Variants in FAT2 observed in about 807,000 individuals in gnomAD.
The protein encoded by FAT2 is protocadherin Fat 2.
FAT2 carries 150 observed loss-of-function variants against 295.3 expected under a neutral mutation model. The observed-to-expected ratio is 0.51, with a 90% confidence interval of 0.44 to 0.58. The LOEUF is 0.58. Ranked by LOEUF, FAT2 falls within the 20% of genes least tolerant of loss-of-function variation. FAT2 has a pLI of 0.00. For missense variants in FAT2, 4,868 were observed against 5,442.7 expected, an observed-to-expected ratio of 0.89 and a Z score of 3.32; for synonymous variants, 2,026 against 2,150.3, an observed-to-expected ratio of 0.94 and a Z score of 1.60.
At chr5:151,557,054 AT>A (rs529013181) in intron 3 of FAT2, among the ~76,000 whole-genome samples, 64 of 152,278 alleles carry the variant, frequency 4.2e-4, no homozygotes, top group African/African-American at 1.5e-3. Context: ...AACTTCAGCA[AT>A]CGGCCCACCA....
Position 151,544,356 on chromosome 5 carries a change from T to C in FAT2, c.6771A>G (p.Thr2257=). ...TGACATCCTCCACTAGGACTTCCAC[T>C]GTGGCTTCAGAAAATGACCCCAGAG... ...DTALGSFSEA[T]VEVLVEDVND... Residue 2257 remains threonine, a synonymous_variant, in exon 10 of 24, where the codon ACA becomes ACG. Transcript: ENST00000261800. 1.2e-6 allele frequency: 2 copies of C among 1,614,206 alleles called. No individual in the cohort carries two copies. Among genetic ancestry groups the C allele is most frequent in the Non-Finnish European group, 1.7e-6 (2 of 1,180,030 alleles).
chr5:151,544,887 T>G lies in FAT2; in HGVS notation c.6240A>C (p.Gln2080His). ...GGACATCCCCTGGCTCTGTGCCATCTTGGATGATTGTGTAATAGGGCAGAT... is the reference window on the plus strand; with the variant it reads ...GGACATCCCCTGGCTCTGTGCCATCGTGGATGATTGTGTAATAGGGCAGAT... ...FKHLPYYTII[Q>H]DGTEPGDVLF... Residue 2080 changes from glutamine to histidine, a missense_variant, in exon 10 of 24, where the codon CAA becomes CAC. Gln to His is a conservative substitution (Grantham distance 24). This residue lies in a region of FAT2 where 3,297 missense variants were observed against 3,669.4 expected (regional missense o/e 0.90). Transcript: ENST00000261800. 6.2e-7 allele frequency: 1 copy of G among 1,614,164 alleles called. No homozygotes were observed. Among genetic ancestry groups the G allele is most frequent in the Non-Finnish European group, 8.5e-7 (1 of 1,180,024 alleles).
rs142654256 is a variant in FAT2, at chr5:151,515,427, T to G, written c.11463+2193A>C. Among the ~76,000 whole-genome samples, 115 of 152,266 alleles carry G rather than the reference T, an allele frequency of 7.6e-4. No homozygotes were observed. In the East Asian group the frequency reaches 0.018, roughly 24 times the overall value. ...TGCGCTGAAGACTCCCAGATCTCCATCTCCAGCATAGACCCCTCACAACAT... is the reference window on the plus strand; with the variant it reads ...TGCGCTGAAGACTCCCAGATCTCCAGCTCCAGCATAGACCCCTCACAACAT... On this transcript the variant is annotated intron_variant, in intron 20 of 23. Transcript: ENST00000261800.
rs1329361947 is a variant in FAT2 at position 151,545,097 on chromosome 5, A to G, written c.6030T>C (p.Asp2010=). ...TLSYFLLNGT[D]MFHMVQSAGV... ...CTGCTGACTGGACCATATGAAACAT[A>G]TCTGTGCCATTCAAGAGAAAGTAGG... Residue 2010 remains aspartate (D), a synonymous_variant, in exon 10 of 24, where the codon GAT becomes GAC. Coordinates refer to ENST00000261800, the MANE Select transcript of FAT2 (RefSeq NM_001447.3). The G allele has an allele frequency of 1.2e-6, 2 of 1,614,044 alleles. No homozygotes were observed. The highest frequency in any genetic ancestry group is 2.7e-5 in the African/African-American group (2 of 74,912).
chr5:151,527,417 C>A, intron 16 of FAT2, 40 bp from the exon 17 acceptor site: 1 of 1,537,696 alleles, frequency 6.5e-7, no homozygotes, highest in South Asian at 1.2e-5. Context: ...AATGAGGTAG[C>A]TGTCCCTCAC....
At chr5:151,529,119 G>T in intron 15 of FAT2, 59 bp downstream of exon 15, 1 of 1,441,712 alleles carries the variant, frequency 6.9e-7, no homozygotes, top group Non-Finnish European at 9.8e-7. Context: ...GTGTGGGGGT[G>T]AGATAAGAAC....
intron 20 of FAT2, among the ~76,000 whole-genome samples, chr5:151,516,497 C>CA (rs1416278296): frequency 1.3e-5 from 2 of 152,174 alleles, no homozygotes; most frequent in African/African-American, 4.8e-5. Context: ...GCCTGGGCGA[C>CA]AGAGTGAGAC....
chr5:151,562,004 G>A (rs1037270322), intron 3 of FAT2, among the ~76,000 whole-genome samples: 8 of 152,128 alleles, frequency 5.3e-5, no homozygotes, highest in African/African-American at 1.9e-4. Context: ...AAGAGGGAGG[G>A]ACAGGGAGGG....
At chr5:151,529,440 A>G (rs1458793634) in intron 14 of FAT2, 48 bp from the exon 15 acceptor site, 3 of 1,548,000 alleles carry the variant, frequency 1.9e-6, no homozygotes, top group East Asian at 2.2e-5. Context: ...TGGGCCCTCA[A>G]AGGCGCAGGA....
Position 151,505,708 on chromosome 5 carries a change from T to A in FAT2, c.12907A>T (p.Ser4303Cys). Residue 4303 changes from serine (S) to cysteine (C), a missense_variant, in exon 24 of 24, where the codon AGC becomes TGC. Ser to Cys is a moderately radical substitution (Grantham distance 112, BLOSUM62 -1). Transcript: ENST00000261800. ...GGYKGVGMRL[S>C]RAGPSYAVCE... ...ACAGCATAAGAGGGCCCAGCTCGGC[T>A]GAGGCGCATACCCACCCCCTTGTAG... is the stretch of plus-strand genomic sequence containing the variant. 6.2e-7 allele frequency: 1 copy of A among 1,613,994 alleles called. No homozygotes were observed. The highest frequency in any genetic ancestry group is 8.5e-7 in the Non-Finnish European group (1 of 1,179,930).
rs930106918 is a variant in FAT2 at position 151,521,849 on chromosome 5, C to A, written c.10744G>T (p.Ala3582Ser). 1 of 1,614,230 alleles carries A rather than the reference C, an allele frequency of 6.2e-7. No individual in the cohort carries two copies. Among genetic ancestry groups the A allele is most frequent in the Non-Finnish European group, 8.5e-7 (1 of 1,180,038 alleles). Reference sequence around the variant, plus strand: ...GCGGCGATAATCTTGCCATCAGGCGCACCCACTGAGAAGTGCCTGCCCAGG... The same window carrying A: ...GCGGCGATAATCTTGCCATCAGGCGAACCCACTGAGAAGTGCCTGCCCAGG... The part of the protein sequence containing the change: ...ETLGRHFSVG[A>S]PDGKIIAAQG... Residue 3582 changes from alanine to serine, a missense_variant, in exon 19 of 24, where the codon GCG becomes TCG. By Grantham distance (99) the Ala-to-Ser change is moderately conservative. Coordinates refer to ENST00000261800, the MANE Select transcript of FAT2 (RefSeq NM_001447.3).
At chr5:151,509,156 T>A (rs1290899407) in intron 22 of FAT2, among the ~76,000 whole-genome samples, 2 of 152,176 alleles carry the variant, frequency 1.3e-5, no homozygotes, top group Non-Finnish European at 2.9e-5. Context: ...TTTCCCCAGG[T>A]CACTGGGAAG....
At position 151,591,276 on chromosome 5, in the gene FAT2, G is replaced by A. The variant is rs17661587; in HGVS notation, c.-132C>T. ...AGGGAGGTGCAGAGACTCGGAGCAG[G>A]AAGGCGCGCAGCCCGCAGCCGGAGA... On this transcript the variant is annotated 5_prime_UTR_variant, in exon 1 of 24. Coordinates refer to ENST00000261800, the MANE Select transcript of FAT2 (RefSeq NM_001447.3). Among the ~76,000 whole-genome samples, 37,636 of 152,170 alleles carry A rather than the reference G, an allele frequency of 0.25. 5,085 individuals are homozygous for A. The highest frequency in any genetic ancestry group is 0.34 in the South Asian group (1,654 of 4,824).
chr5:151,557,385 C>T (rs1448759521), intron 3 of FAT2, among the ~76,000 whole-genome samples: 2 of 152,152 alleles, frequency 1.3e-5, no homozygotes, highest in African/African-American at 4.8e-5. Context: ...GATAGCCAGT[C>T]AGCACAGACT....
intron 20 of FAT2, among the ~76,000 whole-genome samples, chr5:151,515,467 C>T (rs1752762642): frequency 6.6e-6 from 1 of 152,132 alleles, no homozygotes; most frequent in Admixed American, 6.5e-5. Flanking sequence ...CTTGTCTTAC[C>T]AGATCCACTT....
intron 1 of FAT2, among the ~76,000 whole-genome samples, chr5:151,573,382 G>A (rs1351814945): frequency 1.3e-5 from 2 of 152,228 alleles, no homozygotes; most frequent in African/African-American, 2.4e-5. Context: ...CAGGCCAGGC[G>A]CAGTGGCTCA....
In FAT2 at chr5:151,531,615, T is replaced by A. The variant is rs1476845586; in HGVS notation, c.9783A>T (p.Gln3261His). The A allele has an allele frequency of 2.5e-6, 4 of 1,613,026 alleles. No homozygotes were observed. The highest frequency in any genetic ancestry group is 2.5e-6 in the Non-Finnish European group (3 of 1,179,942). Residue 3261 changes from glutamine (Q) to histidine (H), a missense_variant, in exon 14 of 24, where the codon CAA becomes CAT. Transcript: ENST00000261800. This position sits in a 1 kb window ranked among gnomAD's most constrained non-coding sequence, Gnocchi z 5.7. ...TGYRVVSGNE[Q>H]GRFRLDARTG... Reference sequence around the variant, plus strand: ...TGCGAGCATCCAGGCGGAACCTGCCTTGCTCGTTCCCGCTGACCACGCGGT... The same window carrying A: ...TGCGAGCATCCAGGCGGAACCTGCCATGCTCGTTCCCGCTGACCACGCGGT...
In FAT2 at chr5:151,545,024, T is replaced by C. The variant is rs1389641407; in HGVS notation, c.6103A>G (p.Thr2035Ala). ...GVAFDREQQDTHELAVEVRDN... is the reference protein window; with the variant it reads ...GVAFDREQQDAHELAVEVRDN... Reference sequence around the variant, plus strand: ...CTCACTTCCACTGCCAACTCATGAGTGTCCTGCTGCTCCCGGTCAAACGCC... The same window carrying C: ...CTCACTTCCACTGCCAACTCATGAGCGTCCTGCTGCTCCCGGTCAAACGCC... Residue 2035 changes from threonine (T) to alanine (A), a missense_variant, in exon 10 of 24, where the codon ACT becomes GCT. Coordinates refer to ENST00000261800, the MANE Select transcript of FAT2 (RefSeq NM_001447.3). The C allele has an allele frequency of 6.2e-7, 1 of 1,614,140 alleles. No homozygotes were observed. Among genetic ancestry groups the C allele is most frequent in the Non-Finnish European group, 8.5e-7 (1 of 1,180,028 alleles).
At position 151,527,372 on chromosome 5, in the gene FAT2, A is replaced by G; in HGVS notation, c.10170T>C (p.Ser3390=). 6.2e-7 allele frequency: 1 copy of G among 1,605,238 alleles called. No individual in the cohort carries two copies. The highest frequency in any genetic ancestry group is 8.5e-7 in the Non-Finnish European group (1 of 1,174,544). ...VAKALDREQA[S]SYSLKLRATD... Reference sequence around the variant, plus strand: ...TGGCTCGGAGCTTCAGGGAATAACTAGAGGCCTATTGCAAAATGTCCAGTG... The same window carrying G: ...TGGCTCGGAGCTTCAGGGAATAACTGGAGGCCTATTGCAAAATGTCCAGTG... Residue 3390 remains serine (S), a synonymous_variant, in exon 17 of 24, where the codon TCT becomes TCC. Coordinates refer to ENST00000261800, the MANE Select transcript of FAT2 (RefSeq NM_001447.3).
Sources: allele counts gnomAD v4.1 joint callset (sites outside exome capture counted in the v4.1 genomes callset), GRCh38; gene constraint gnomAD v4.1.1; regional missense constraint gnomAD v4.1.1; non-coding constraint Gnocchi (gnomAD v3.1); transcripts MANE v1.5; gene names NCBI Gene and HGNC (gene_info 2026-07-23, HGNC 2026-07-21).